ZNF254: variants seen among roughly 807,000 people sequenced by gnomAD.
The protein encoded by ZNF254 is zinc finger protein 254.
ZNF254 carries 10 observed loss-of-function variants against 12.4 expected under a neutral mutation model. The ratio of observed to expected loss-of-function variants is 0.80; its 90% CI spans 0.50 to 1.36. The LOEUF is 1.36. Ranked by LOEUF, ZNF254 falls within the 40% of genes most tolerant of loss-of-function variation. ZNF254 has a pLI of 0.00. For synonymous variants in ZNF254, 305 were observed against 253.4 expected (o/e 1.20, Z -1.93); for missense variants, 996 against 763.9 (o/e 1.30, Z -3.58).
intron 1 of ZNF254, among the ~76,000 whole-genome samples, chr19:24,088,167 G>A (rs965614656): frequency 2.0e-5 from 3 of 151,926 alleles, no homozygotes; most frequent in African/African-American, 7.3e-5. Context: ...CTTGGCCTCC[G>A]AAAGTGCTAG....
chr19:24,068,953 C>T (rs962878691), intron 2 of ZNF254, among the ~76,000 whole-genome samples: 11 of 152,106 alleles, frequency 7.2e-5, no homozygotes, highest in African/African-American at 2.4e-5. Context: ...ATAAAGCCCT[C>T]GGGTGGCACA....
chr19:24,068,269 A>C (rs1017779407), intron 2 of ZNF254, among the ~76,000 whole-genome samples: 37 of 150,964 alleles, frequency 2.5e-4, no homozygotes, highest in Admixed American at 2.4e-3. Context: ...GGCCCAGCAC[A>C]CAGGTGATGT....
intron 1 of ZNF254, among the ~76,000 whole-genome samples, chr19:24,103,003 A>T (rs1158452243): frequency 6.6e-6 from 1 of 152,210 alleles, no homozygotes; most frequent in South Asian, 2.1e-4. Context: ...AGAATCAAAT[A>T]ATGTGCTATC....
At chr19:24,072,063 A>T (rs184012424) in intron 2 of ZNF254, among the ~76,000 whole-genome samples, 1 of 152,186 alleles carries the variant, frequency 6.6e-6, no homozygotes, top group African/African-American at 2.4e-5. Flanking sequence ...TTTATAACCT[A>T]AGTGATGTAA....
intron 2 of ZNF254, among the ~76,000 whole-genome samples, chr19:24,065,027 C>T (rs1286339032): frequency 6.6e-6 from 1 of 152,176 alleles, no homozygotes; most frequent in Admixed American, 6.5e-5. Flanking sequence ...TGTGGCTCTT[C>T]TCACTTGCCT....
intron 1 of ZNF254, chr19:24,104,469 C>T (rs1599717754): frequency 1.3e-5 from 2 of 152,068 alleles, no homozygotes; most frequent in East Asian, 3.9e-4. Context: ...TGTCCCAGAT[C>T]AAGAGCTGTG....
At chr19:24,121,963 AC>A in intron 3 of ZNF254, among the ~76,000 whole-genome samples, 1 of 152,272 alleles carries the variant, frequency 6.6e-6, no homozygotes, top group South Asian at 2.1e-4. Context: ...TGTAATTTCA[AC>A]ATCCTATTTA....
In ZNF254 at chr19:24,035,645, C is replaced by G. The variant is rs554109016; in HGVS notation, c.-190+2024C>G. ...CCGAGATTGCACCACTGCACTCTAG[C>G]CTGGTGACAGAGCGAGACTCGGTCT... is the stretch of plus-strand genomic sequence containing the variant. On this transcript the variant is annotated intron_variant, in intron 1 of 4. Coordinates refer to the ZNF254 transcript ENST00000613065. Among the ~76,000 whole-genome samples the G allele has an allele frequency of 3.9e-5, 6 of 152,126 alleles. No individual in the cohort carries two copies. The East Asian group carries it at 1.2e-3, about 29-fold the overall frequency.
At chr19:24,054,409 T>C (rs1478606283) in intron 2 of ZNF254, among the ~76,000 whole-genome samples, 2 of 152,234 alleles carry the variant, frequency 1.3e-5, no homozygotes, top group Non-Finnish European at 1.5e-5. Context: ...GAAGAAATAC[T>C]GTCTCTCATA....
intron 3 of ZNF254, among the ~76,000 whole-genome samples, chr19:24,117,357 C>T (rs1326095088): frequency 6.6e-6 from 1 of 152,178 alleles, no homozygotes; most frequent in African/African-American, 2.4e-5. Flanking sequence ...CCAGTTTGAG[C>T]TTCCCGGCTG....
intron 1 of ZNF254, among the ~76,000 whole-genome samples, chr19:24,045,198 G>C (rs1335049533): frequency 6.6e-6 from 1 of 152,142 alleles, no homozygotes. Context: ...CAGCTCCTGG[G>C]AATGCGCTCA....
At chr19:24,113,863 C>A (rs374384588) in intron 3 of ZNF254, among the ~76,000 whole-genome samples, 3 of 152,114 alleles carry the variant, frequency 2.0e-5, no homozygotes, top group Admixed American at 6.6e-5. Flanking sequence ...CAATGTACAA[C>A]AATCACAAGC....
At chr19:24,083,189 A>G (rs775100608), upstream of ZNF254, among the ~76,000 whole-genome samples, 54 of 152,196 alleles carry the variant, frequency 3.5e-4, no homozygotes, top group Admixed American at 1.4e-3. Flanking sequence ...TGATATTTAA[A>G]TCAAGAACTC....
intron 2 of ZNF254, among the ~76,000 whole-genome samples, chr19:24,055,358 C>A (rs1262794511): frequency 6.6e-6 from 1 of 151,642 alleles, no homozygotes; most frequent in Non-Finnish European, 1.5e-5. Flanking sequence ...CAGCTTACTG[C>A]AATCTCCACC....
chr19:24,126,253 G>C lies in ZNF254; in HGVS notation c.254-1G>C, dbSNP rs1974825785. The stretch of plus-strand genomic sequence containing the variant: ...TTTATTTATTTTTATTTTTTTTTCA[G>C]GTATGTGTCCTCATTTTGCTCAAGA... On this transcript the variant is annotated splice_acceptor_variant, in intron 3 of 3. Transcript: ENST00000357002. LOFTEE classifies it high-confidence loss of function. 3.5e-6 allele frequency: 5 copies of C among 1,447,996 alleles called. No individual in the cohort carries two copies. Among genetic ancestry groups the C allele is most frequent in the Non-Finnish European group, 4.6e-6 (5 of 1,098,640 alleles). The allele number at this position is 1,447,996 out of a possible 1,614,324, so 89.7% of individuals were successfully genotyped here. A position where few individuals can be genotyped will look rare whatever the true frequency, so the allele number is the denominator to read the frequency against.
intron 2 of ZNF254, among the ~76,000 whole-genome samples, chr19:24,076,579 A>G (rs984657569): frequency 9.2e-5 from 14 of 152,324 alleles, no homozygotes; most frequent in South Asian, 6.2e-4. Context: ...ACACTATTCA[A>G]GATGGAGTCG....
intron 3 of ZNF254, among the ~76,000 whole-genome samples, chr19:24,115,940 C>G (rs979561520): frequency 6.6e-6 from 1 of 152,104 alleles, no homozygotes; most frequent in Admixed American, 6.6e-5. Flanking sequence ...TATTTTATTT[C>G]TCCTTCACTT....
At chr19:24,123,254 A>G (rs1974608294) in intron 3 of ZNF254, among the ~76,000 whole-genome samples, 1 of 152,166 alleles carries the variant, frequency 6.6e-6, no homozygotes, top group Non-Finnish European at 1.5e-5. Context: ...CTCGTACTCC[A>G]TTTTACTCAT....
intron 2 of ZNF254, among the ~76,000 whole-genome samples, chr19:24,075,977 C>T (rs939891390): frequency 6.6e-6 from 1 of 152,212 alleles, no homozygotes. Flanking sequence ...TCTGCCCAGC[C>T]CTACAGGCAG....
Sources: allele counts gnomAD v4.1 joint callset (sites outside exome capture counted in the v4.1 genomes callset), GRCh38; gene constraint gnomAD v4.1.1; transcripts MANE v1.5; gene names NCBI Gene and HGNC (gene_info 2026-07-23, HGNC 2026-07-21).